Variants in CNTNAP4 observed in about 807,000 individuals in gnomAD.
CNTNAP4 encodes contactin associated protein family member 4, also known as contactin-associated protein-like 4.
A neutral mutation model predicts 148.4 loss-of-function variants in CNTNAP4; 98 were observed. The observed-to-expected ratio is 0.66, with a 90% CI of 0.56 to 0.78. The LOEUF (loss-of-function observed/expected upper bound fraction) is 0.78, where lower values mean the gene tolerates loss of function less well. CNTNAP4 is among the 30% of genes least tolerant of loss of function. The pLI is 0.00. For synonymous variants in CNTNAP4, 730 were observed against 565.1 expected, an observed-to-expected ratio of 1.29 and a Z score of -4.14; for missense variants, 1,935 against 1,565.6, an observed-to-expected ratio of 1.24 and a Z score of -3.98.
At chr16:76,438,551 G>A (rs1178746775) in intron 4 of CNTNAP4, among the ~76,000 whole-genome samples, 2 of 152,010 alleles carry the variant, frequency 1.3e-5, no homozygotes, top group Non-Finnish European at 2.9e-5. Context: ...TAGAGCTAAG[G>A]ACAAAACCAA....
chr16:76,316,004 T>C (rs1961696817), intron 1 of CNTNAP4, among the ~76,000 whole-genome samples: 1 of 152,218 alleles, frequency 6.6e-6, no homozygotes, highest in Admixed American at 6.5e-5. Context: ...TTATTTGGAA[T>C]ACTAATTGTA....
intron 10 of CNTNAP4, among the ~76,000 whole-genome samples, chr16:76,470,049 A>G (rs2081309850): frequency 6.6e-6 from 1 of 152,306 alleles, no homozygotes; most frequent in African/African-American, 2.4e-5. Context: ...AAGATGAATG[A>G]GCATTTAAAT....
intron 3 of CNTNAP4, among the ~76,000 whole-genome samples, chr16:76,376,282 C>T (rs1258118387): frequency 2.6e-5 from 4 of 151,984 alleles, no homozygotes; most frequent in South Asian, 2.1e-4. Context: ...CTGAGTGCAG[C>T]GGTTTTCGGA....
chr16:76,327,957 G>T (rs1963157037), intron 2 of CNTNAP4, among the ~76,000 whole-genome samples: 1 of 152,042 alleles, frequency 6.6e-6, no homozygotes, highest in Non-Finnish European at 1.5e-5. Flanking sequence ...TGTCCTGTGG[G>T]GTCACTTCTT....
chr16:76,364,839 A>G (rs1265081238), intron 3 of CNTNAP4, among the ~76,000 whole-genome samples: 1 of 152,178 alleles, frequency 6.6e-6, no homozygotes, highest in Non-Finnish European at 1.5e-5. Context: ...GTTCAGTCTG[A>G]TGATAGTTTC....
At chr16:76,374,068 C>A (rs187141430) in intron 3 of CNTNAP4, among the ~76,000 whole-genome samples, 80 of 152,204 alleles carry the variant, frequency 5.3e-4, no homozygotes, top group Admixed American at 1.8e-3. Flanking sequence ...ACCATTCTTT[C>A]ATTTTGGGTT....
chr16:76,531,668 G>A (rs113938866), intron 17 of CNTNAP4, among the ~76,000 whole-genome samples: 1 of 151,998 alleles, frequency 6.6e-6, no homozygotes. Context: ...CCCTGAAAAG[G>A]CACTGGAATC....
At chr16:76,392,597 G>A (rs1033186627) in intron 3 of CNTNAP4, among the ~76,000 whole-genome samples, 2 of 152,244 alleles carry the variant, frequency 1.3e-5, no homozygotes, top group African/African-American at 4.8e-5. Context: ...ACCACATGTA[G>A]TGCAGAGATT....
chr16:76,521,407 C>A (rs1268197376), intron 16 of CNTNAP4, 97 bp downstream of exon 16: 2 of 989,136 alleles, frequency 2.0e-6, no homozygotes, highest in African/African-American at 1.7e-5. Context: ...ACTTTATCAT[C>A]TGATTCTTTT....
At chr16:76,379,408 A>AT (rs2015745213) in intron 3 of CNTNAP4, among the ~76,000 whole-genome samples, 2 of 152,026 alleles carry the variant, frequency 1.3e-5, no homozygotes, top group Admixed American at 1.3e-4. Context: ...TACAATTGTA[A>AT]TTTGTCAAAT....
chr16:76,293,914 G>A (rs1337471315), intron 1 of CNTNAP4, among the ~76,000 whole-genome samples: 1 of 151,050 alleles, frequency 6.6e-6, no homozygotes, highest in Non-Finnish European at 1.5e-5. Flanking sequence ...ATTGTATTTA[G>A]CCTTTCTCTT....
chr16:76,313,923 A>G (rs1961418198), intron 1 of CNTNAP4, among the ~76,000 whole-genome samples: 1 of 152,190 alleles, frequency 6.6e-6, no homozygotes, highest in Non-Finnish European at 1.5e-5. Flanking sequence ...GATTAATGCA[A>G]AAATGGGAAC....
At chr16:76,426,195 A>G (rs2079394158) in intron 3 of CNTNAP4, among the ~76,000 whole-genome samples, 1 of 152,148 alleles carries the variant, frequency 6.6e-6, no homozygotes, top group Admixed American at 6.6e-5. Flanking sequence ...TTAACTATAA[A>G]ACACCCAATC....
intron 3 of CNTNAP4, among the ~76,000 whole-genome samples, chr16:76,396,681 G>T (rs2078216455): frequency 6.6e-6 from 1 of 152,102 alleles, no homozygotes; most frequent in Non-Finnish European, 1.5e-5. Flanking sequence ...CAGTGGTCAG[G>T]AGCTGCTCCC....
chr16:76,317,245 C>A, intron 2 of CNTNAP4, among the ~76,000 whole-genome samples: 2 of 140,026 alleles, frequency 1.4e-5, no homozygotes, highest in African/African-American at 2.7e-5. Context: ...AAAGTGAGAC[C>A]CTGTCTCAAA....
At chr16:76,425,182 T>A (rs1379457065) in intron 3 of CNTNAP4, among the ~76,000 whole-genome samples, 1 of 152,138 alleles carries the variant, frequency 6.6e-6, no homozygotes, top group African/African-American at 2.4e-5. Context: ...GGAAATTTGT[T>A]CTGCAAAACA....
At chr16:76,550,875 G>C (rs35407854) in intron 21 of CNTNAP4, among the ~76,000 whole-genome samples, 2 of 152,058 alleles carry the variant, frequency 1.3e-5, no homozygotes, top group African/African-American at 2.4e-5. Flanking sequence ...TCACAGTATC[G>C]TATGTAAGCA....
chr16:76,293,026 T>C (rs1392272590), intron 1 of CNTNAP4, among the ~76,000 whole-genome samples: 1 of 152,208 alleles, frequency 6.6e-6, no homozygotes, highest in Non-Finnish European at 1.5e-5. Flanking sequence ...TCAGGCCACG[T>C]TTTACCTCAC....
chr16:76,300,403 G>T lies in CNTNAP4; in HGVS notation c.86-16010G>T, dbSNP rs1450396356. 2.0e-5 allele frequency among the ~76,000 whole-genome samples: 3 copies of T among 152,072 alleles called. 1 individual carries two copies. The highest frequency in any genetic ancestry group is 2.9e-5 in the Non-Finnish European group (2 of 68,000). On this transcript the variant is annotated intron_variant, in intron 1 of 23. Transcript: ENST00000611870. ...ACATCACACACCAGGGCCTGTCGGG[G>T]TTGGGGTCTAGGGGAGAGATAGCAT...
Sources: gnomAD v4.1 joint callset for allele counts (sites outside exome capture counted in the v4.1 genomes callset) on GRCh38, gnomAD v4.1.1 for gene constraint, MANE v1.5 for transcripts, NCBI Gene and HGNC (gene_info 2026-07-23, HGNC 2026-07-21) for gene names.